The following NUP210L variants were observed in gnomAD, a reference collection of about 807,000 sequenced individuals.
NUP210L encodes the protein nuclear pore membrane glycoprotein 210-like.
In NUP210L, 74 loss-of-function variants were observed where a neutral mutation model predicts 208.5. The ratio of observed to expected loss-of-function variants is 0.35; its 90% CI spans 0.29 to 0.43. The LOEUF (loss-of-function observed/expected upper bound fraction) is 0.43, where lower values mean the gene tolerates loss of function less well. Ranked by LOEUF, NUP210L falls within the 20% of genes least tolerant of loss-of-function variation. The pLI is 1.00. For synonymous variants in NUP210L, 780 were observed against 816.9 expected (o/e 0.95, Z 0.77); for missense variants, 1,843 against 2,289.4 (o/e 0.81, Z 3.98).
intron 9 of NUP210L, 38 bp downstream of exon 9, chr1:154,127,273 C>CT: frequency 9.9e-7 from 1 of 1,013,756 alleles, no homozygotes; most frequent in South Asian, 1.4e-5. Flanking sequence ...TATCTTATCC[C>CT]TACAAGGAGC....
intron 38 of NUP210L, among the ~76,000 whole-genome samples, chr1:153,993,963 C>T (rs1649661127): frequency 6.6e-6 from 1 of 152,110 alleles, no homozygotes. Context: ...TTACTGCCAC[C>T]TTGAATTCCC....
intron 12 of NUP210L, among the ~76,000 whole-genome samples, chr1:154,116,427 GA>G (rs1329156657): frequency 0.028 from 3,612 of 130,392 alleles, 107 homozygotes; most frequent in African/African-American, 0.082. Context: ...CCATCTCAGG[GA>G]AAAAAAAAAA....
chr1:154,131,631 A>G (rs1658259278), intron 7 of NUP210L, among the ~76,000 whole-genome samples: 1 of 152,032 alleles, frequency 6.6e-6, no homozygotes, highest in Admixed American at 6.6e-5. Flanking sequence ...TATGAAAGCC[A>G]AGCTGTTTTT....
chr1:154,059,318 G>C (rs1425938414), intron 20 of NUP210L, among the ~76,000 whole-genome samples: 1 of 150,604 alleles, frequency 6.6e-6, no homozygotes, highest in East Asian at 1.9e-4. Flanking sequence ...CTGGGAAACA[G>C]AGTGAGACCT....
intron 27 of NUP210L, among the ~76,000 whole-genome samples, chr1:154,045,635 A>G (rs747511697): frequency 1.3e-5 from 2 of 152,204 alleles, no homozygotes; most frequent in Non-Finnish European, 2.9e-5. Context: ...GAACAGTAGG[A>G]AAAGTAAATA....
chr1:154,019,372 A>G (rs995055340), intron 32 of NUP210L, among the ~76,000 whole-genome samples: 13 of 152,192 alleles, frequency 8.5e-5, no homozygotes, highest in Admixed American at 2.0e-4. Context: ...AGAAGCTACT[A>G]AGGACAAATT....
rs1427885133 is a variant in NUP210L, at chr1:154,046,840, A to G, written c.3484-471T>C. 2.0e-5 allele frequency among the ~76,000 whole-genome samples: 3 copies of G among 152,206 alleles called. No individual in the cohort carries two copies. In the South Asian group the frequency reaches 6.2e-4, roughly 31 times the overall value. On this transcript the variant is annotated intron_variant, in intron 25 of 39. Transcript: ENST00000368559. ...AGCACTTTGGGAGGCCGGGTGGATC[A>G]CTTGAGGTTAGGAGTTCAAGACCAG...
At chr1:154,006,851 T>A (rs1230423011) in intron 35 of NUP210L, among the ~76,000 whole-genome samples, 3 of 139,890 alleles carry the variant, frequency 2.1e-5, no homozygotes, top group South Asian at 2.2e-4. Context: ...TGTATATATA[T>A]AAATATATAC....
chr1:154,021,288 C>G (rs962367710), intron 32 of NUP210L, among the ~76,000 whole-genome samples: 1 of 152,072 alleles, frequency 6.6e-6, no homozygotes, highest in Non-Finnish European at 1.5e-5. Flanking sequence ...GCTTTGTTTT[C>G]AAGAGTATAG....
chr1:154,144,074 C>T (rs952279345), intron 2 of NUP210L, among the ~76,000 whole-genome samples: 2 of 151,812 alleles, frequency 1.3e-5, no homozygotes, highest in East Asian at 3.9e-4. Flanking sequence ...CCCAGCTACT[C>T]GGAAGGTTGA....
chr1:154,067,885 C>T (rs1654497203), intron 17 of NUP210L, among the ~76,000 whole-genome samples: 1 of 152,186 alleles, frequency 6.6e-6, no homozygotes, highest in Admixed American at 6.6e-5. Flanking sequence ...ATCCAACTTA[C>T]AAGGGATGTG....
intron 14 of NUP210L, among the ~76,000 whole-genome samples, chr1:154,098,292 C>T (rs537009821): frequency 9.2e-5 from 14 of 152,310 alleles, no homozygotes; most frequent in African/African-American, 2.9e-4. Context: ...TCCCAGGTCT[C>T]GGCTCCCTGA....
chr1:153,992,933 A>T (rs774672569), exon 40 of NUP210L: 1 of 1,610,916 alleles, frequency 6.2e-7, no homozygotes, highest in South Asian at 1.1e-5. Context: ...GAGTTAAAAA[A>T]ACCTAGAAGA....
chr1:154,030,838 C>T (rs948951181), intron 27 of NUP210L, among the ~76,000 whole-genome samples: 8 of 151,860 alleles, frequency 5.3e-5, no homozygotes, highest in Admixed American at 6.6e-5. Flanking sequence ...CTCAAGCAAT[C>T]CTCCCACCTC....
intron 37 of NUP210L, among the ~76,000 whole-genome samples, chr1:153,998,708 CTTTTTTTTTT>C (rs34457474): frequency 9.1e-6 from 1 of 109,836 alleles, no homozygotes; most frequent in Non-Finnish European, 1.8e-5. Context: ...TCTAGAGATC[CTTTTTTTTTT>C]TTTTTTTTTT....
At chr1:154,043,737 C>A (rs1247556452) in intron 27 of NUP210L, among the ~76,000 whole-genome samples, 1 of 150,578 alleles carries the variant, frequency 6.6e-6, no homozygotes, top group Non-Finnish European at 1.5e-5. Flanking sequence ...AGCCATTCTT[C>A]TGCTTCCGCC....
At chr1:154,075,105 C>T (rs1038357352) in intron 16 of NUP210L, among the ~76,000 whole-genome samples, 10 of 152,266 alleles carry the variant, frequency 6.6e-5, no homozygotes, top group African/African-American at 2.4e-4. Flanking sequence ...CCCTACTGAG[C>T]TGGAATCAAC....
chr1:154,115,676 A>G (rs955720774), intron 12 of NUP210L, among the ~76,000 whole-genome samples: 4 of 152,194 alleles, frequency 2.6e-5, no homozygotes, highest in Non-Finnish European at 5.9e-5. Context: ...TTTCATGTCA[A>G]TATATCTTCC....
chr1:154,095,949 A>AT (rs974795675), intron 14 of NUP210L, among the ~76,000 whole-genome samples: 16 of 151,994 alleles, frequency 1.1e-4, no homozygotes, highest in African/African-American at 2.7e-4. Context: ...ACAGTGACTA[A>AT]TTTTTTTTTA....
Sources: allele counts gnomAD v4.1 joint callset (sites outside exome capture counted in the v4.1 genomes callset), GRCh38; gene constraint gnomAD v4.1.1; transcripts MANE v1.5; gene names NCBI Gene and HGNC (gene_info 2026-07-23, HGNC 2026-07-21).